The following EFL1 variants were observed in gnomAD, a reference collection of about 807,000 sequenced individuals.
EFL1 encodes the protein elongation factor-like GTPase 1.
Under a neutral mutation model 126.7 loss-of-function variants are expected in EFL1, and 76 were observed. The observed-to-expected ratio is 0.60, with a 90% CI of 0.50 to 0.73. EFL1 has a LOEUF of 0.73. Among genes scored for constraint, EFL1 ranks in the 30% least tolerant of loss-of-function variants. EFL1 has a pLI of 0.00. For synonymous variants in EFL1, 410 were observed against 448.4 expected, an observed-to-expected ratio of 0.91 and a Z score of 1.08; for missense variants, 1,128 against 1,343.2, an observed-to-expected ratio of 0.84 and a Z score of 2.50.
intron 15 of EFL1, among the ~76,000 whole-genome samples, chr15:82,208,094 A>C (rs1319687244): frequency 6.6e-6 from 1 of 152,220 alleles, no homozygotes; most frequent in Non-Finnish European, 1.5e-5. Flanking sequence ...AAGAACTTTA[A>C]AACATTAACT....
intron 8 of EFL1, 72 bp from the exon 9 acceptor site, chr15:82,229,182 C>G: frequency 6.3e-6 from 7 of 1,109,926 alleles, no homozygotes; most frequent in Non-Finnish European, 7.7e-6. Flanking sequence ...TCTTGACATG[C>G]TTTTATTATC....
chr15:82,169,867 G>A (rs891155592), intron 15 of EFL1, among the ~76,000 whole-genome samples: 2 of 152,158 alleles, frequency 1.3e-5, no homozygotes, highest in African/African-American at 4.8e-5. Flanking sequence ...GTGCACATAA[G>A]CACAGTTGCG....
intron 7 of EFL1, among the ~76,000 whole-genome samples, chr15:82,238,062 T>G (rs1219146917): frequency 6.6e-6 from 1 of 152,072 alleles, no homozygotes; most frequent in Non-Finnish European, 1.5e-5. Flanking sequence ...AGCCTTGTGG[T>G]GATAGAAATG....
intron 11 of EFL1, 121 bp downstream of exon 11, chr15:82,227,329 G>C (rs2074774322): frequency 2.8e-6 from 4 of 1,439,658 alleles, no homozygotes; most frequent in Non-Finnish European, 2.9e-6. Flanking sequence ...TTCATCTGTG[G>C]AAGTGGACAT....
At chr15:82,214,429 G>A (rs1215409285) in intron 15 of EFL1, among the ~76,000 whole-genome samples, 1 of 152,136 alleles carries the variant, frequency 6.6e-6, no homozygotes, top group Non-Finnish European at 1.5e-5. Flanking sequence ...GACTTTATGT[G>A]AACAGGAATT....
rs552982487 is a variant in EFL1, at chr15:82,154,854, T to G, written c.2031-2431A>C. Among the ~76,000 whole-genome samples the G allele has an allele frequency of 1.5e-3, 221 of 152,330 alleles. 1 individual carries two copies. Among genetic ancestry groups the G allele is most frequent in the African/African-American group, 5.1e-3 (210 of 41,580 alleles). ...ACAGTTCACTGCAGCCTCGAGCTCC[T>G]GGGCTCAAGCAACCCTCTTGCCTCA... On this transcript the variant is annotated intron_variant, in intron 17 of 19. Transcript: ENST00000268206.
rs185709851 is a variant in EFL1, at chr15:82,178,779, C to A, written c.1751-14795G>T. Among the ~76,000 whole-genome samples the A allele has an allele frequency of 2.2e-3, 337 of 152,268 alleles. 1 individual carries two copies. In the Middle Eastern group the frequency reaches 0.037, roughly 17 times the overall value. On this transcript the variant is annotated intron_variant, in intron 15 of 19. Transcript: ENST00000268206. ...TCTCTGGACATGCCCCTCCTCTGAA[C>A]CCTAGAAAATAACACAGTCTATACT... is the stretch of plus-strand genomic sequence containing the variant.
intron 15 of EFL1, among the ~76,000 whole-genome samples, chr15:82,169,765 A>C (rs988697430): frequency 5.3e-5 from 8 of 152,276 alleles, no homozygotes; most frequent in African/African-American, 1.9e-4. Context: ...ATAATTGATA[A>C]ACAGTTATTC....
At chr15:82,194,138 G>A (rs1356818436) in intron 15 of EFL1, among the ~76,000 whole-genome samples, 1 of 152,144 alleles carries the variant, frequency 6.6e-6, no homozygotes, top group Non-Finnish European at 1.5e-5. Flanking sequence ...TTCCACAGCT[G>A]GGTTTGGTCA....
chr15:82,212,744 C>CTT (rs1443070958), intron 15 of EFL1, among the ~76,000 whole-genome samples: 1 of 152,198 alleles, frequency 6.6e-6, no homozygotes, highest in Admixed American at 6.5e-5. Context: ...ACCCCAATAT[C>CTT]TTTTGCCTTA....
chr15:82,220,151 C>G lies in EFL1; in HGVS notation c.1371G>C (p.Gln457His). 1 of 1,613,880 alleles carries G rather than the reference C, an allele frequency of 6.2e-7. No homozygotes were observed. Among genetic ancestry groups the G allele is most frequent in the Non-Finnish European group, 8.5e-7 (1 of 1,179,864 alleles). Residue 457 changes from glutamine to histidine, a missense_variant, in exon 13 of 20, where the codon CAG becomes CAC. Gln to His is a conservative substitution (Grantham distance 24). Coordinates refer to ENST00000268206, the MANE Select transcript of EFL1 (RefSeq NM_024580.6). ...QRHAEKLAAA[Q>H]GQAPLEPTQD... ...GGGTGGGCTCCAAGGGTGCCTGTCCCTGTGCTGCTGCAAGCTTCTCTGCAT... is the reference window on the plus strand; with the variant it reads ...GGGTGGGCTCCAAGGGTGCCTGTCCGTGTGCTGCTGCAAGCTTCTCTGCAT...
intron 16 of EFL1, among the ~76,000 whole-genome samples, chr15:82,162,240 G>A (rs118183035): frequency 0.015 from 2,273 of 152,254 alleles, 23 homozygotes; most frequent in East Asian, 0.024. Context: ...TTGTGACTGA[G>A]CCACTGCACT....
At chr15:82,197,308 G>A (rs1450341095) in intron 15 of EFL1, among the ~76,000 whole-genome samples, 1 of 152,100 alleles carries the variant, frequency 6.6e-6, no homozygotes, top group African/African-American at 2.4e-5. Flanking sequence ...AAGCATATCT[G>A]ATTTCTTCCA....
intron 19 of EFL1, among the ~76,000 whole-genome samples, chr15:82,134,703 G>T (rs2073701769): frequency 6.6e-6 from 1 of 152,226 alleles, no homozygotes; most frequent in Non-Finnish European, 1.5e-5. Context: ...AATAAGCGAT[G>T]AATCTTGAGG....
chr15:82,216,512 C>T lies in EFL1; in HGVS notation c.1612-1657G>A, dbSNP rs956287227. On this transcript the variant is annotated intron_variant, in intron 14 of 19. Transcript: ENST00000268206. Reference sequence around the variant, plus strand: ...AGCACTGAATAGAGATAGTTAGAGACAACCAGAAAAAAATAAAATTAGTCC... The same window carrying T: ...AGCACTGAATAGAGATAGTTAGAGATAACCAGAAAAAAATAAAATTAGTCC... 4.1e-4 allele frequency among the ~76,000 whole-genome samples: 63 copies of T among 152,086 alleles called. 1 individual carries two copies. Among genetic ancestry groups the T allele is most frequent in the African/African-American group, 1.4e-3 (60 of 41,510 alleles).
intron 15 of EFL1, among the ~76,000 whole-genome samples, chr15:82,205,940 A>T (rs2074520173): frequency 6.6e-6 from 1 of 152,246 alleles, no homozygotes; most frequent in Admixed American, 6.5e-5. Context: ...GTTGTAAAAT[A>T]AGCATTTTAT....
chr15:82,165,013 A>G (rs533538089), intron 15 of EFL1, among the ~76,000 whole-genome samples: 1 of 152,322 alleles, frequency 6.6e-6, no homozygotes, highest in Non-Finnish European at 1.5e-5. Flanking sequence ...GCAGTGGCTC[A>G]TGCCTGTAAT....
chr15:82,216,206 T>G (rs981682090), intron 14 of EFL1, among the ~76,000 whole-genome samples: 1 of 152,130 alleles, frequency 6.6e-6, no homozygotes, highest in Non-Finnish European at 1.5e-5. Context: ...ACTATAAAAC[T>G]TCATGAAAAA....
At chr15:82,253,839 G>A (rs1445868397) in intron 3 of EFL1, among the ~76,000 whole-genome samples, 10 of 152,214 alleles carry the variant, frequency 6.6e-5, no homozygotes, top group South Asian at 2.1e-4. Context: ...CAGTGGTGTC[G>A]TTTAAATAAA....
Sources: allele counts gnomAD v4.1 joint callset (sites outside exome capture counted in the v4.1 genomes callset), GRCh38; gene constraint gnomAD v4.1.1; transcripts MANE v1.5; gene names NCBI Gene and HGNC (gene_info 2026-07-23, HGNC 2026-07-21).